The following KCND2 variants were observed in gnomAD, a reference collection of about 807,000 sequenced individuals.
KCND2 encodes potassium voltage-gated channel subfamily D member 2, also known as A-type voltage-gated potassium channel KCND2.
A neutral mutation model predicts 54.4 loss-of-function variants in KCND2; 16 were observed. That is an observed-to-expected ratio of 0.29 (90% CI 0.20 to 0.45). The LOEUF is 0.45. KCND2 is among the 20% of genes least tolerant of loss of function. The pLI is 1.00. For synonymous variants in KCND2, 317 were observed against 310.7 expected (o/e 1.02, Z -0.21); for missense variants, 486 against 824.2 (o/e 0.59, Z 5.02).
At chr7:120,491,496 G>C (rs924916627) in intron 1 of KCND2, among the ~76,000 whole-genome samples, 1 of 152,016 alleles carries the variant, frequency 6.6e-6, no homozygotes, top group South Asian at 2.1e-4. Flanking sequence ...ATTTTCTTTA[G>C]TAGAACTATA....
At chr7:120,523,883 A>T (rs1468515063) in intron 1 of KCND2, among the ~76,000 whole-genome samples, 2 of 151,752 alleles carry the variant, frequency 1.3e-5, no homozygotes, top group Non-Finnish European at 2.9e-5. Flanking sequence ...CAAGAAAAAA[A>T]TTGTTAAAAA....
At chr7:120,369,732 A>C (rs986322131) in intron 1 of KCND2, among the ~76,000 whole-genome samples, 1 of 152,042 alleles carries the variant, frequency 6.6e-6, no homozygotes, top group Non-Finnish European at 1.5e-5. Flanking sequence ...TTTATTAAAA[A>C]GAAGCTTTCA....
At chr7:120,394,922 C>G (rs1406902813) in intron 1 of KCND2, among the ~76,000 whole-genome samples, 2 of 151,964 alleles carry the variant, frequency 1.3e-5, no homozygotes, top group African/African-American at 4.8e-5. Context: ...TTTAATTTTT[C>G]TGGGAATAAA....
intron 1 of KCND2, among the ~76,000 whole-genome samples, chr7:120,363,697 T>C (rs1417015943): frequency 6.6e-6 from 1 of 152,140 alleles, no homozygotes; most frequent in Non-Finnish European, 1.5e-5. Flanking sequence ...GTTACCTCTC[T>C]AAGGACCTTG....
intron 1 of KCND2, among the ~76,000 whole-genome samples, chr7:120,490,060 G>C (rs1802756057): frequency 6.6e-6 from 1 of 152,140 alleles, no homozygotes; most frequent in African/African-American, 2.4e-5. Context: ...TGGCCTGGAA[G>C]TCTGATCCCT....
chr7:120,439,056 A>G (rs914718898), intron 1 of KCND2, among the ~76,000 whole-genome samples: 1 of 152,096 alleles, frequency 6.6e-6, no homozygotes, highest in Non-Finnish European at 1.5e-5. Flanking sequence ...TTTGCTCTTT[A>G]TATGAAATAT....
chr7:120,343,786 C>G (rs1800274857), intron 1 of KCND2, among the ~76,000 whole-genome samples: 1 of 152,054 alleles, frequency 6.6e-6, no homozygotes, highest in Admixed American at 6.6e-5. Flanking sequence ...TTATATTACC[C>G]AGAATGGAAC....
chr7:120,705,692 T>G (rs1332072768), intron 1 of KCND2, among the ~76,000 whole-genome samples: 1 of 152,164 alleles, frequency 6.6e-6, no homozygotes, highest in African/African-American at 2.4e-5. Context: ...TTGCCAGGAA[T>G]GGAGAACCAC....
intron 1 of KCND2, among the ~76,000 whole-genome samples, chr7:120,379,812 G>A (rs1284434599): frequency 6.6e-6 from 1 of 151,986 alleles, no homozygotes; most frequent in Non-Finnish European, 1.5e-5. Flanking sequence ...TCTAGATAGT[G>A]GAACCACAAA....
chr7:120,595,820 T>A (rs1792737921), intron 1 of KCND2, among the ~76,000 whole-genome samples: 1 of 151,378 alleles, frequency 6.6e-6, no homozygotes, highest in Non-Finnish European at 1.5e-5. Flanking sequence ...TGAAACTTTC[T>A]ATAAATAGCA....
At chr7:120,384,800 T>C (rs1800964371) in intron 1 of KCND2, among the ~76,000 whole-genome samples, 1 of 152,082 alleles carries the variant, frequency 6.6e-6, no homozygotes, top group Non-Finnish European at 1.5e-5. Flanking sequence ...CTTAATAACA[T>C]GGCTATGCCT....
At chr7:120,378,465 G>A (rs909141395) in intron 1 of KCND2, among the ~76,000 whole-genome samples, 1 of 151,932 alleles carries the variant, frequency 6.6e-6, no homozygotes, top group Non-Finnish European at 1.5e-5. Flanking sequence ...GTGGGAGTTA[G>A]GAATAAGCTG....
intron 1 of KCND2, among the ~76,000 whole-genome samples, chr7:120,623,482 C>A (rs778642740): frequency 3.9e-5 from 6 of 152,098 alleles, no homozygotes; most frequent in Non-Finnish European, 7.4e-5. Context: ...CAAAGCAGAG[C>A]TTTTCCAACT....
chr7:120,605,480 A>G (rs1792870691), intron 1 of KCND2, among the ~76,000 whole-genome samples: 1 of 152,200 alleles, frequency 6.6e-6, no homozygotes, highest in South Asian at 2.1e-4. Context: ...CAGTGTATAG[A>G]AATTTGTTTC....
intron 1 of KCND2, among the ~76,000 whole-genome samples, chr7:120,276,591 T>C (rs1263184119): frequency 1.3e-5 from 2 of 152,174 alleles, no homozygotes; most frequent in African/African-American, 4.8e-5. Flanking sequence ...TTTGGGGTCC[T>C]AATTTCCTTT....
chr7:120,297,048 G>T (rs969435917), intron 1 of KCND2, among the ~76,000 whole-genome samples: 3 of 151,726 alleles, frequency 2.0e-5, no homozygotes, highest in Admixed American at 1.3e-4. Flanking sequence ...TAATTTTATA[G>T]GTACAAGTGT....
chr7:120,419,028 T>TAATA (rs1196223122), intron 1 of KCND2, among the ~76,000 whole-genome samples: 2 of 152,144 alleles, frequency 1.3e-5, no homozygotes, highest in East Asian at 3.8e-4. Context: ...GTTGATGAAA[T>TAATA]AATATATCAC....
intron 1 of KCND2, among the ~76,000 whole-genome samples, chr7:120,684,639 T>C (rs1471171017): frequency 6.6e-6 from 1 of 152,082 alleles, no homozygotes; most frequent in Non-Finnish European, 1.5e-5. Context: ...TCGATTACCC[T>C]ATTACCCGTG....
chr7:120,479,111 T>C (rs1032290479), intron 1 of KCND2, among the ~76,000 whole-genome samples: 4 of 152,162 alleles, frequency 2.6e-5, no homozygotes, highest in African/African-American at 9.7e-5. Flanking sequence ...ATAAAATGCA[T>C]GGTTGTAGTG....
Sources: allele counts gnomAD v4.1 joint callset (sites outside exome capture counted in the v4.1 genomes callset), GRCh38; gene constraint gnomAD v4.1.1; transcripts MANE v1.5; gene names NCBI Gene and HGNC (gene_info 2026-07-23, HGNC 2026-07-21).